FKBP1A: variants seen among roughly 807,000 people sequenced by gnomAD.
The protein encoded by FKBP1A is peptidyl-prolyl cis-trans isomerase FKBP1A.
A neutral mutation model predicts 14.2 loss-of-function variants in FKBP1A; 5 were observed. That is an observed-to-expected ratio of 0.35 (90% CI 0.18 to 0.74). The LOEUF is 0.74. Ranked by LOEUF, FKBP1A falls within the 30% of genes least tolerant of loss-of-function variation. FKBP1A has a pLI of 0.56. For missense variants in FKBP1A, 53 were observed against 138.8 expected, an observed-to-expected ratio of 0.38 and a Z score of 3.10; for synonymous variants, 42 against 49.1, an observed-to-expected ratio of 0.86 and a Z score of 0.60.
At chr20:1,383,854 G>C (rs1041891478) in intron 2 of FKBP1A, among the ~76,000 whole-genome samples, 1 of 143,856 alleles carries the variant, frequency 7.0e-6, no homozygotes, top group Non-Finnish European at 1.5e-5. Flanking sequence ...AAAAAAAAAA[G>C]GTGTAATGGT....
chr20:1,388,834 CG>C (rs57063257), intron 2 of FKBP1A, among the ~76,000 whole-genome samples: 12,099 of 152,150 alleles, frequency 0.08, 566 homozygotes, highest in Middle Eastern at 0.15. Flanking sequence ...TAAAAACCAA[CG>C]AGGCTCCACC....
intron 2 of FKBP1A, among the ~76,000 whole-genome samples, chr20:1,391,003 C>T (rs2089728936): frequency 6.6e-6 from 1 of 152,194 alleles, no homozygotes; most frequent in African/African-American, 2.4e-5. Flanking sequence ...ACCATCTGTT[C>T]TCATAGGAAA....
rs114776556 is a variant in FKBP1A, at chr20:1,388,218, G to A, written c.85+4616C>T. 2.2e-3 allele frequency among the ~76,000 whole-genome samples: 333 copies of A among 152,288 alleles called. 1 individual carries two copies. The highest frequency in any genetic ancestry group is 7.5e-3 in the African/African-American group (313 of 41,554). Reference sequence around the variant, plus strand: ...CAGACACTTAAAAGATTAAACATCCGGTTCAGAAAATCAAGGCAGGGAACA... The same window carrying A: ...CAGACACTTAAAAGATTAAACATCCAGTTCAGAAAATCAAGGCAGGGAACA... On this transcript the variant is annotated intron_variant, in intron 2 of 4. Coordinates refer to ENST00000400137, the MANE Select transcript of FKBP1A (RefSeq NM_000801.5).
chr20:1,378,537 T>C (rs558748942), intron 2 of FKBP1A: 1 of 151,446 alleles, frequency 6.6e-6, no homozygotes, highest in East Asian at 1.9e-4. Flanking sequence ...GGACTTTGGG[T>C]GATCATGATG....
intron 2 of FKBP1A, chr20:1,391,747 G>A: frequency 7.0e-6 from 2 of 286,600 alleles, no homozygotes; most frequent in East Asian, 4.1e-5. Flanking sequence ...AGGAAGAGGA[G>A]GAGAGGGAGT....
chr20:1,382,865 AG>A (rs1326870485), intron 2 of FKBP1A, among the ~76,000 whole-genome samples: 1 of 152,210 alleles, frequency 6.6e-6, no homozygotes, highest in Non-Finnish European at 1.5e-5. Flanking sequence ...ATCCTTGGAA[AG>A]GGAGCAAAAG....
chr20:1,371,331 T>A (rs77748693), intron 4 of FKBP1A, among the ~76,000 whole-genome samples: 2,270 of 152,332 alleles, frequency 0.015, 56 homozygotes, highest in African/African-American at 0.05. Flanking sequence ...CTGGTCCTAC[T>A]TTGCCACTGC....
In FKBP1A at chr20:1,370,017, C is replaced by CTCCATATG; in HGVS notation, c.*84_*91dup. The stretch of plus-strand genomic sequence containing the variant: ...AAGTGGAGTGGAACATCAGGAAAAG[C>CTCCATATG]TCCATATGGATTCATGTGCACATGT... On this transcript the variant is annotated 3_prime_UTR_variant, in exon 5 of 5. Coordinates refer to ENST00000400137, the MANE Select transcript of FKBP1A (RefSeq NM_000801.5). 1 of 1,549,994 alleles carries CTCCATATG rather than the reference C, an allele frequency of 6.5e-7. No individual in the cohort carries two copies. Among genetic ancestry groups the CTCCATATG allele is most frequent in the Non-Finnish European group, 8.7e-7 (1 of 1,146,758 alleles).
chr20:1,382,545 G>A (rs2089628441), intron 2 of FKBP1A, among the ~76,000 whole-genome samples: 1 of 152,124 alleles, frequency 6.6e-6, no homozygotes. Flanking sequence ...TCTGTGTCCT[G>A]GTGGCACGTA....
rs754818460 is a variant in FKBP1A at position 1,384,945 on chromosome 20, T to C, written c.85+7889A>G. Among the ~76,000 whole-genome samples the C allele has an allele frequency of 1.1e-4, 16 of 152,120 alleles. 1 individual carries two copies. Among genetic ancestry groups the C allele is most frequent in the African/African-American group, 2.7e-4 (11 of 41,432 alleles). On this transcript the variant is annotated intron_variant, in intron 2 of 4. Transcript: ENST00000400137. ...AGTGTATTTTCAAAGGCAGGGCCCA[T>C]GATGGGAAGAATATGCAGGATCCAA...
intron 4 of FKBP1A, chr20:1,370,529 A>T: frequency 1.0e-6 from 1 of 984,704 alleles, no homozygotes; most frequent in Non-Finnish European, 1.2e-6. Flanking sequence ...TCTCATGTGC[A>T]GTCCAGACTG....
chr20:1,387,356 G>T (rs2089678429), intron 2 of FKBP1A, among the ~76,000 whole-genome samples: 2 of 152,068 alleles, frequency 1.3e-5, no homozygotes, highest in South Asian at 4.2e-4. Flanking sequence ...ACTGGAGCCA[G>T]CTTAAAGGGC....
Position 1,369,836 on chromosome 20 carries a change from A to T in FKBP1A, c.*273T>A. On this transcript the variant is annotated 3_prime_UTR_variant, in exon 5 of 5. Coordinates refer to ENST00000400137, the MANE Select transcript of FKBP1A (RefSeq NM_000801.5). The stretch of plus-strand genomic sequence containing the variant: ...TCCAAAAGACTGAAACTGAATCTTC[A>T]CCCCAAAATGAAAACAAAATAAAAT... The T allele has an allele frequency of 1.3e-5, 7 of 550,610 alleles. No homozygotes were observed. The allele number at this position is 550,610 out of a possible 1,614,324, so 34.1% of individuals were successfully genotyped here.
intron 4 of FKBP1A, 176 bp from the exon 5 acceptor site, chr20:1,370,248 G>A (rs188751457): frequency 2.0e-6 from 2 of 985,470 alleles, no homozygotes; most frequent in African/African-American, 3.5e-5. Context: ...CTGGGTCCCA[G>A]GTGAAACAAA....
chr20:1,378,567 A>G (rs2089579572), intron 2 of FKBP1A: 1 of 152,114 alleles, frequency 6.6e-6, no homozygotes. Context: ...AGGTTCGTCA[A>G]TTGCAACACA....
intron 2 of FKBP1A, among the ~76,000 whole-genome samples, chr20:1,388,532 A>C (rs890754808): frequency 2.0e-5 from 3 of 152,176 alleles, no homozygotes; most frequent in Non-Finnish European, 4.4e-5. Context: ...CTGTGGGACA[A>C]TTTGTTCAAG....
At chr20:1,376,077 G>A (rs374021062) in intron 2 of FKBP1A, among the ~76,000 whole-genome samples, 4 of 152,152 alleles carry the variant, frequency 2.6e-5, no homozygotes, top group African/African-American at 9.7e-5. Context: ...CCATTGTTCA[G>A]TGCAGGCAAA....
At chr20:1,388,627 C>G (rs1026414205) in intron 2 of FKBP1A, among the ~76,000 whole-genome samples, 1 of 152,166 alleles carries the variant, frequency 6.6e-6, no homozygotes, top group Non-Finnish European at 1.5e-5. Context: ...GTCCACCTGG[C>G]ACCACTTCTG....
rs902791421 is a variant in FKBP1A at position 1,379,272 on chromosome 20, G to A, written c.86-3669C>T. 6.6e-6 allele frequency among the ~76,000 whole-genome samples: 1 copy of A among 152,150 alleles called. No homozygotes were observed. On this transcript the variant is annotated intron_variant, in intron 2 of 4. Coordinates refer to ENST00000400137, the MANE Select transcript of FKBP1A (RefSeq NM_000801.5). This position sits in a 1 kb window ranked among gnomAD's most constrained non-coding sequence, Gnocchi z 4.3. Reference sequence around the variant, plus strand: ...CTACATGCATCAATGTATCAATGTTGCTTTGCCTGAGGTGAGATACTTCAA... The same window carrying A: ...CTACATGCATCAATGTATCAATGTTACTTTGCCTGAGGTGAGATACTTCAA...
Sources: allele counts gnomAD v4.1 joint callset (sites outside exome capture counted in the v4.1 genomes callset), GRCh38; gene constraint gnomAD v4.1.1; non-coding constraint Gnocchi (gnomAD v3.1); transcripts MANE v1.5; gene names NCBI Gene and HGNC (gene_info 2026-07-23, HGNC 2026-07-21).